Variants in DPYD observed in about 807,000 individuals in gnomAD.
DPYD encodes the protein dihydropyrimidine dehydrogenase.
In DPYD, 109 loss-of-function variants were observed where a neutral mutation model predicts 116.2. The ratio of observed to expected loss-of-function variants is 0.94; its 90% CI spans 0.80 to 1.10. The LOEUF is 1.10. Among genes scored for constraint, DPYD ranks in the 50% least tolerant of loss-of-function variants. The pLI, the probability that DPYD is intolerant of heterozygous loss-of-function variation, is 0.00. For missense variants in DPYD, 1,302 were observed against 1,254.5 expected (o/e 1.04, Z -0.57); for synonymous variants, 440 against 432.0 (o/e 1.02, Z -0.23).
At chr1:97,663,310 T>C (rs1412402744) in intron 8 of DPYD, among the ~76,000 whole-genome samples, 3 of 152,190 alleles carry the variant, frequency 2.0e-5, no homozygotes, top group Non-Finnish European at 4.4e-5. Flanking sequence ...TATTGGGTAA[T>C]TGTCACCACC....
chr1:97,400,468 T>C (rs1673305609), intron 14 of DPYD, among the ~76,000 whole-genome samples: 1 of 152,206 alleles, frequency 6.6e-6, no homozygotes, highest in Non-Finnish European at 1.5e-5. Context: ...CCTCATTAAA[T>C]GAGTTAGGGA....
chr1:97,488,288 G>T (rs1678765265), intron 13 of DPYD, among the ~76,000 whole-genome samples: 1 of 152,082 alleles, frequency 6.6e-6, no homozygotes, highest in South Asian at 2.1e-4. Flanking sequence ...AGAGAGTGAG[G>T]GGACAGAAGT....
At chr1:97,755,353 T>C (rs901962050) in intron 3 of DPYD, among the ~76,000 whole-genome samples, 2 of 152,164 alleles carry the variant, frequency 1.3e-5, no homozygotes, top group African/African-American at 2.4e-5. Context: ...CCATTAGTGA[T>C]ACCATCCATG....
intron 12 of DPYD, among the ~76,000 whole-genome samples, chr1:97,518,869 A>G (rs1648430338): frequency 6.6e-6 from 1 of 152,044 alleles, no homozygotes; most frequent in South Asian, 2.1e-4. Flanking sequence ...GTACAAAGTA[A>G]AACTGTGAGT....
intron 18 of DPYD, among the ~76,000 whole-genome samples, chr1:97,263,136 T>C (rs1386085471): frequency 2.0e-5 from 3 of 152,116 alleles, no homozygotes; most frequent in Admixed American, 1.3e-4. Flanking sequence ...CAAAATACTA[T>C]AGCAGGATTT....
At chr1:97,582,831 C>T (rs1653789079) in intron 10 of DPYD, among the ~76,000 whole-genome samples, 2 of 152,124 alleles carry the variant, frequency 1.3e-5, no homozygotes, top group African/African-American at 4.8e-5. Flanking sequence ...TAACTGAGTC[C>T]TTACTAATTT....
At chr1:97,389,293 A>G (rs74105191) in intron 14 of DPYD, among the ~76,000 whole-genome samples, 3 of 140,588 alleles carry the variant, frequency 2.1e-5, no homozygotes, top group African/African-American at 7.9e-5. Flanking sequence ...TGGGCGACAG[A>G]ATGAGATTTT....
At chr1:97,459,475 T>C (rs1676897020) in intron 13 of DPYD, among the ~76,000 whole-genome samples, 1 of 152,026 alleles carries the variant, frequency 6.6e-6, no homozygotes, top group Non-Finnish European at 1.5e-5. Context: ...AAAGAATTGA[T>C]ATCTAGATAC....
At position 97,810,053 on chromosome 1, in the gene DPYD, G is replaced by A. The variant is rs148595836; in HGVS notation, c.233+18061C>T. 5.8e-3 allele frequency among the ~76,000 whole-genome samples: 878 copies of A among 152,068 alleles called. 5 individuals are homozygous for A. Among genetic ancestry groups the A allele is most frequent in the Non-Finnish European group, 9.3e-3 (631 of 67,968 alleles). ...TGTAATCACAGCACTTTGGGAGGCC[G>A]ACGCGGGTGGATCACGAGGTCAGGA... On this transcript the variant is annotated intron_variant, in intron 3 of 22. Coordinates refer to ENST00000370192, the MANE Select transcript of DPYD (RefSeq NM_000110.4).
At chr1:97,532,774 C>T (rs1649723566) in intron 12 of DPYD, among the ~76,000 whole-genome samples, 2 of 151,722 alleles carry the variant, frequency 1.3e-5, no homozygotes, top group Non-Finnish European at 2.9e-5. Context: ...GTTCAGATAA[C>T]AAATTGTCAA....
chr1:97,757,589 C>A (rs759502088), intron 3 of DPYD, among the ~76,000 whole-genome samples: 13 of 152,072 alleles, frequency 8.5e-5, no homozygotes, highest in Non-Finnish European at 1.3e-4. Context: ...TGAGGATATG[C>A]GTTCCTATCT....
chr1:97,885,657 C>G (rs1406891469), intron 1 of DPYD, among the ~76,000 whole-genome samples: 1 of 152,044 alleles, frequency 6.6e-6, no homozygotes, highest in Non-Finnish European at 1.5e-5. Flanking sequence ...TTACAAACAG[C>G]TACTACTCTC....
At chr1:97,280,556 C>A (rs1358019396) in intron 18 of DPYD, among the ~76,000 whole-genome samples, 1 of 152,040 alleles carries the variant, frequency 6.6e-6, no homozygotes, top group Non-Finnish European at 1.5e-5. Flanking sequence ...TACTATTCAG[C>A]CATAAAACAG....
intron 2 of DPYD, among the ~76,000 whole-genome samples, chr1:97,866,061 T>C (rs1415458488): frequency 6.6e-6 from 1 of 151,944 alleles, no homozygotes; most frequent in African/African-American, 2.4e-5. Flanking sequence ...ATAGAAGAGA[T>C]GGAAATGCAT....
At chr1:97,386,241 T>C (rs1189824428) in intron 14 of DPYD, among the ~76,000 whole-genome samples, 1 of 151,906 alleles carries the variant, frequency 6.6e-6, no homozygotes, top group African/African-American at 2.4e-5. Flanking sequence ...TTAGGTACTC[T>C]GCTTCTATCA....
chr1:97,539,739 A>G (rs1650287162), intron 12 of DPYD, among the ~76,000 whole-genome samples: 1 of 152,202 alleles, frequency 6.6e-6, no homozygotes, highest in Admixed American at 6.5e-5. Flanking sequence ...TTCCATGTTT[A>G]TAAGAGCTCC....
intron 19 of DPYD, among the ~76,000 whole-genome samples, chr1:97,199,430 G>C (rs948849064): frequency 6.6e-6 from 1 of 151,982 alleles, no homozygotes; most frequent in Non-Finnish European, 1.5e-5. Flanking sequence ...TAGCACATAG[G>C]AAACTAAAAG....
At chr1:97,763,583 T>A (rs1389119596) in intron 3 of DPYD, among the ~76,000 whole-genome samples, 1 of 152,020 alleles carries the variant, frequency 6.6e-6, no homozygotes, top group Non-Finnish European at 1.5e-5. Flanking sequence ...AACAACATAC[T>A]CTTGTTTCCT....
At chr1:97,873,888 C>A (rs1158305972) in intron 2 of DPYD, among the ~76,000 whole-genome samples, 2 of 151,802 alleles carry the variant, frequency 1.3e-5, no homozygotes, top group Non-Finnish European at 2.9e-5. Context: ...TAGGTCTTCA[C>A]AGACCTTACA....
Sources: allele counts gnomAD v4.1 joint callset (sites outside exome capture counted in the v4.1 genomes callset), GRCh38; gene constraint gnomAD v4.1.1; transcripts MANE v1.5; gene names NCBI Gene and HGNC (gene_info 2026-07-23, HGNC 2026-07-21).